Variants in ZNF410 observed in about 807,000 individuals in gnomAD.
ZNF410 encodes the protein zinc finger protein 410.
ZNF410 carries 18 observed loss-of-function variants against 54.8 expected under a neutral mutation model. The ratio of observed to expected loss-of-function variants is 0.33; its 90% CI spans 0.23 to 0.49. The LOEUF is 0.49. Among genes scored for constraint, ZNF410 ranks in the 20% least tolerant of loss-of-function variants. ZNF410 has a pLI of 0.99. For synonymous variants in ZNF410, 191 were observed against 207.3 expected (o/e 0.92, Z 0.68); for missense variants, 405 against 569.6 (o/e 0.71, Z 2.94).
intron 7 of ZNF410, among the ~76,000 whole-genome samples, chr14:73,905,916 CATAT>C (rs1027756224): frequency 1.2e-4 from 18 of 148,050 alleles, no homozygotes; most frequent in Non-Finnish European, 1.0e-4. Context: ...TATACACATA[CATAT>C]ATATACACAT....
At chr14:73,899,449 A>G (rs1016540799) in intron 5 of ZNF410, among the ~76,000 whole-genome samples, 1 of 152,132 alleles carries the variant, frequency 6.6e-6, no homozygotes, top group South Asian at 2.1e-4. Context: ...AGTTCTGTTT[A>G]TGACTACCAT....
At chr14:73,921,218 C>A (rs2055750384) in intron 9 of ZNF410, 113 bp downstream of exon 9, 2 of 1,409,284 alleles carry the variant, frequency 1.4e-6, no homozygotes, top group Admixed American at 2.2e-5. Context: ...GGTAGATAGA[C>A]CTGGTCTCAT....
chr14:73,896,246 G>T (rs1056538497), intron 3 of ZNF410, 70 bp from the exon 4 acceptor site: 4 of 1,098,232 alleles, frequency 3.6e-6, no homozygotes, highest in Non-Finnish European at 5.5e-6. Context: ...GATGTTGGGT[G>T]CTGTGTATCA....
intron 4 of ZNF410, among the ~76,000 whole-genome samples, chr14:73,897,827 C>T (rs1172846482): frequency 6.6e-6 from 1 of 151,936 alleles, no homozygotes; most frequent in Non-Finnish European, 1.5e-5. Context: ...CAAAAATTAG[C>T]CGGGCGTGGT....
At chr14:73,900,823 T>A (rs1167463519) in intron 5 of ZNF410, among the ~76,000 whole-genome samples, 1 of 152,174 alleles carries the variant, frequency 6.6e-6, no homozygotes, top group African/African-American at 2.4e-5. Flanking sequence ...TCTTAAAACA[T>A]TATGAGATTT....
chr14:73,930,980 G>C (rs1320332402), intron 11 of ZNF410, among the ~76,000 whole-genome samples: 2 of 152,166 alleles, frequency 1.3e-5, no homozygotes, highest in African/African-American at 4.8e-5. Flanking sequence ...GTATAGAGTA[G>C]AATGTTAGTG....
intron 8 of ZNF410, among the ~76,000 whole-genome samples, chr14:73,915,482 C>T (rs1444614564): frequency 7.9e-5 from 12 of 151,556 alleles, no homozygotes; most frequent in African/African-American, 2.9e-4. Context: ...GGATTATAGG[C>T]GCTCGCCACC....
intron 8 of ZNF410, chr14:73,916,111 G>GGGAA (rs2055663836): frequency 1.3e-5 from 2 of 151,792 alleles, no homozygotes; most frequent in South Asian, 4.2e-4. Context: ...GAGGGAGGGA[G>GGGAA]GGAAGGAAGG....
chr14:73,909,615 G>GA (rs1323937726), intron 8 of ZNF410, 185 bp downstream of exon 8: 2 of 472,296 alleles, frequency 4.2e-6, no homozygotes, highest in Non-Finnish European at 7.6e-6. Context: ...GTTGGGGGGG[G>GA]GACATCTAAT....
chr14:73,925,089 A>G (rs1454448210), intron 11 of ZNF410, among the ~76,000 whole-genome samples: 3 of 152,212 alleles, frequency 2.0e-5, no homozygotes, highest in Non-Finnish European at 4.4e-5. Context: ...GGGGGTACCC[A>G]GGATTACAGG....
Position 73,890,302 on chromosome 14 carries a change from C to T in ZNF410, c.-149-1725C>T, listed in dbSNP as rs968867225. Among the ~76,000 whole-genome samples, 3 of 152,146 alleles carry T rather than the reference C, an allele frequency of 2.0e-5. No homozygotes were observed. In the South Asian group the frequency reaches 6.2e-4, roughly 32 times the overall value. ...CTCTCGGGTTCAAGCGATTCTCCTG[C>T]CACAGCCTCCCGAGTAGCTGGGATT... On this transcript the variant is annotated intron_variant, in intron 1 of 11. Transcript: ENST00000555044.
At position 73,918,686 on chromosome 14, in the gene ZNF410, C is replaced by CTTT. The variant is rs71115932; in HGVS notation, c.1004-2268_1004-2266dup. Reference sequence around the variant, plus strand: ...GCCTGTTCTGGACATTTCATATGGCCTTTTTTTTTTTTTTTTTTTTTTTTT... The same window carrying CTTT: ...GCCTGTTCTGGACATTTCATATGGCCTTTTTTTTTTTTTTTTTTTTTTTTTTTT... On this transcript the variant is annotated intron_variant, in intron 8 of 11. Transcript: ENST00000555044. Among the ~76,000 whole-genome samples, 23 of 74,640 alleles carry CTTT rather than the reference C, an allele frequency of 3.1e-4. 1 individual carries two copies. Among genetic ancestry groups the CTTT allele is most frequent in the African/African-American group, 1.1e-3 (18 of 15,772 alleles). The allele number at this position is 74,640 out of a possible 152,430, so 49.0% of individuals were successfully genotyped here. A position where few individuals can be genotyped will look rare whatever the true frequency, so the allele number is the denominator to read the frequency against.
intron 3 of ZNF410, 61 bp from the exon 4 acceptor site, chr14:73,896,255 C>A: frequency 1.5e-6 from 2 of 1,294,910 alleles, no homozygotes; most frequent in South Asian, 2.4e-5. Flanking sequence ...TGCTGTGTAT[C>A]AAAATGGTGG....
chr14:73,923,358 T>C, intron 10 of ZNF410, 37 bp from the exon 11 acceptor site: 12 of 1,604,532 alleles, frequency 7.5e-6, no homozygotes, highest in Non-Finnish European at 8.5e-6. Context: ...ATCTCTGGAT[T>C]CACTTTTCAT....
At position 73,896,545 on chromosome 14, in the gene ZNF410, CTT is replaced by C. The variant is rs370394463; in HGVS notation, c.388+18_388+19del. On this transcript the variant is annotated intron_variant, in intron 4 of 11. Transcript: ENST00000555044. ...ACCTAACAAGAGCAGGTATTCTTTC[CTT>C]TTTTTTGGGCTCTGCTTATGCCTAA... is the stretch of plus-strand genomic sequence containing the variant. 3.1e-6 allele frequency: 5 copies of C among 1,609,626 alleles called. No homozygotes were observed. In the African/African-American group the frequency reaches 6.7e-5, roughly 22 times the overall value.
chr14:73,923,054 T>C (rs115719892), intron 10 of ZNF410, among the ~76,000 whole-genome samples: 2,023 of 152,318 alleles, frequency 0.013, 43 homozygotes, highest in African/African-American at 0.046. Flanking sequence ...TAGTAAGTGC[T>C]ATTAGTATCA....
At chr14:73,910,713 G>A (rs562040735) in intron 8 of ZNF410, among the ~76,000 whole-genome samples, 25 of 143,830 alleles carry the variant, frequency 1.7e-4, no homozygotes, top group East Asian at 4.1e-4. Context: ...AGATTGCACC[G>A]TTGCACTCCA....
At chr14:73,923,331 A>G in intron 10 of ZNF410, 64 bp from the exon 11 acceptor site, 1 of 1,543,002 alleles carries the variant, frequency 6.5e-7, no homozygotes, top group East Asian at 2.3e-5. Flanking sequence ...GAGAGGCTTA[A>G]TGATCCAGAT....
intron 8 of ZNF410, among the ~76,000 whole-genome samples, chr14:73,917,115 T>C (rs2055679357): frequency 1.3e-5 from 2 of 152,208 alleles, no homozygotes; most frequent in Admixed American, 1.3e-4. Flanking sequence ...TAAACAATTT[T>C]CAGGGGATTT....
Sources: allele counts gnomAD v4.1 joint callset (sites outside exome capture counted in the v4.1 genomes callset), GRCh38; gene constraint gnomAD v4.1.1; transcripts MANE v1.5; gene names NCBI Gene and HGNC (gene_info 2026-07-23, HGNC 2026-07-21).